The following ARHGAP18 variants were observed in gnomAD, a reference collection of about 807,000 sequenced individuals.
ARHGAP18 encodes rho GTPase-activating protein 18.
A neutral mutation model predicts 86.2 loss-of-function variants in ARHGAP18; 67 were observed. The observed-to-expected ratio is 0.78, with a 90% CI of 0.64 to 0.95. The LOEUF (loss-of-function observed/expected upper bound fraction) is 0.95. ARHGAP18 is among the 40% of genes least tolerant of loss of function. ARHGAP18 has a pLI of 0.00. For synonymous variants in ARHGAP18, 283 were observed against 280.4 expected (o/e 1.01, Z -0.09); for missense variants, 691 against 780.4 (o/e 0.89, Z 1.37).
intron 2 of ARHGAP18, among the ~76,000 whole-genome samples, chr6:129,639,275 G>A (rs988292255): frequency 1.3e-5 from 2 of 152,138 alleles, no homozygotes; most frequent in East Asian, 1.9e-4. Context: ...AACACTGAAA[G>A]CAGGAAATAT....
intron 1 of ARHGAP18, among the ~76,000 whole-genome samples, chr6:129,680,701 T>C (rs958140611): frequency 6.6e-6 from 1 of 152,222 alleles, no homozygotes; most frequent in African/African-American, 2.4e-5. Flanking sequence ...AGCCAGATCG[T>C]TTCCAGAACT....
At position 129,641,679 on chromosome 6, in the gene ARHGAP18, TA is replaced by T. The variant is rs1773466669; in HGVS notation, c.316+136del. ...CATCCATAAATCTGCCTCAAACAAG[TA>T]TTTTTCAAGTTGAAAGGCAGTATCT... On this transcript the variant is annotated intron_variant, in intron 2 of 14. Coordinates refer to ENST00000368149, the MANE Select transcript of ARHGAP18 (RefSeq NM_033515.3). The T allele has an allele frequency of 3.8e-6, 3 of 782,118 alleles. No homozygotes were observed. In the East Asian group the frequency reaches 7.9e-5, roughly 21 times the overall value. The allele number at this position is 782,118 out of a possible 1,614,324, so 48.4% of individuals were successfully genotyped here. A position where few individuals can be genotyped will look rare whatever the true frequency, so the allele number is the denominator to read the frequency against.
intron 12 of ARHGAP18, among the ~76,000 whole-genome samples, chr6:129,591,765 T>C (rs2114437795): frequency 6.6e-6 from 1 of 152,322 alleles, no homozygotes; most frequent in South Asian, 2.1e-4. Flanking sequence ...GAAAACCCTT[T>C]TTATCTTCAA....
intron 1 of ARHGAP18, among the ~76,000 whole-genome samples, chr6:129,700,787 T>C (rs1265350403): frequency 6.6e-6 from 1 of 152,134 alleles, no homozygotes. Context: ...AACAAAAAAA[T>C]TGAGGCCCTG....
chr6:129,695,463 G>A (rs1307944080), intron 1 of ARHGAP18, among the ~76,000 whole-genome samples: 1 of 152,202 alleles, frequency 6.6e-6, no homozygotes, highest in Non-Finnish European at 1.5e-5. Context: ...CCTGAGATGT[G>A]TAAATAGCTA....
At chr6:129,663,921 C>G (rs796197638) in intron 1 of ARHGAP18, among the ~76,000 whole-genome samples, 1 of 152,242 alleles carries the variant, frequency 6.6e-6, no homozygotes, top group Non-Finnish European at 1.5e-5. Context: ...TTTGTTTGGC[C>G]AGCAGGGTGT....
At chr6:129,628,549 C>G (rs1773091885) in intron 5 of ARHGAP18, among the ~76,000 whole-genome samples, 1 of 152,136 alleles carries the variant, frequency 6.6e-6, no homozygotes, top group South Asian at 2.1e-4. Flanking sequence ...TCTCCTTAGA[C>G]AAGTTGGTGA....
chr6:129,699,796 C>A (rs1246321957), intron 1 of ARHGAP18, among the ~76,000 whole-genome samples: 1 of 152,166 alleles, frequency 6.6e-6, no homozygotes, highest in Non-Finnish European at 1.5e-5. Context: ...GGAAGCAAAG[C>A]AGCCTGCTTT....
intron 2 of ARHGAP18, among the ~76,000 whole-genome samples, chr6:129,638,895 G>A (rs1773389152): frequency 6.6e-6 from 1 of 152,112 alleles, no homozygotes; most frequent in African/African-American, 2.4e-5. Flanking sequence ...TAACCCAGAG[G>A]ATGATACTGT....
intron 1 of ARHGAP18, among the ~76,000 whole-genome samples, chr6:129,642,581 C>G (rs1166298304): frequency 6.6e-6 from 1 of 152,044 alleles, no homozygotes; most frequent in Non-Finnish European, 1.5e-5. Context: ...AAGGCATGAG[C>G]CACCACACCC....
At chr6:129,614,815 C>A (rs1789060913) in intron 7 of ARHGAP18, among the ~76,000 whole-genome samples, 2 of 144,534 alleles carry the variant, frequency 1.4e-5, no homozygotes, top group African/African-American at 5.1e-5. Context: ...TTAATACTCT[C>A]TATAATGTAG....
intron 1 of ARHGAP18, among the ~76,000 whole-genome samples, chr6:129,696,941 G>C (rs1774626797): frequency 6.6e-6 from 1 of 152,164 alleles, no homozygotes; most frequent in Non-Finnish European, 1.5e-5. Context: ...CCCTCATTGA[G>C]AAGTGTATCC....
chr6:129,643,972 A>G (rs1298524692), intron 1 of ARHGAP18, among the ~76,000 whole-genome samples: 1 of 152,218 alleles, frequency 6.6e-6, no homozygotes, highest in East Asian at 1.9e-4. Flanking sequence ...TAATATGCTA[A>G]TAAGCCAGTT....
chr6:129,642,627 T>C (rs1005807510), intron 1 of ARHGAP18, among the ~76,000 whole-genome samples: 3 of 152,146 alleles, frequency 2.0e-5, no homozygotes, highest in Non-Finnish European at 4.4e-5. Flanking sequence ...AACTTTGTTT[T>C]TAAAAAGCAA....
intron 5 of ARHGAP18, among the ~76,000 whole-genome samples, chr6:129,621,033 T>C (rs781015758): frequency 1.1e-4 from 17 of 152,222 alleles, no homozygotes; most frequent in Non-Finnish European, 1.6e-4. Flanking sequence ...TTAGAAAATA[T>C]GGCTATTTTC....
chr6:129,666,684 A>T (rs1774046965), intron 1 of ARHGAP18, among the ~76,000 whole-genome samples: 1 of 152,192 alleles, frequency 6.6e-6, no homozygotes, highest in East Asian at 1.9e-4. Context: ...ATCCTATTAT[A>T]AACTGATTTA....
chr6:129,625,359 A>T (rs1789369766), intron 5 of ARHGAP18, among the ~76,000 whole-genome samples: 1 of 64,482 alleles, frequency 1.6e-5, no homozygotes, highest in Non-Finnish European at 2.4e-5. Flanking sequence ...AATATATATT[A>T]TGTATATTTA....
rs756993026 is a variant in ARHGAP18, at chr6:129,638,619, C to T, written c.327G>A (p.Leu109=). The change falls in exon 3 of 15, where the codon TTG becomes TTA. Residue 109 remains leucine (L), a synonymous_variant. Coordinates refer to ENST00000368149, the MANE Select transcript of ARHGAP18 (RefSeq NM_033515.3). ...CGGCCTCTTTAAGCCACTCTTCTTC[C>T]AATTCTCCCTCTAAGACAGTAGAGA... ...VVVKEPDEGE[L]EEEWLKEAGL... is the part of the protein sequence containing the mutation. The T allele has an allele frequency of 1.9e-6, 3 of 1,613,858 alleles. No homozygotes were observed. The highest frequency in any genetic ancestry group is 2.5e-6 in the Non-Finnish European group (3 of 1,179,910).
chr6:129,636,817 C>CA (rs1360503228), intron 3 of ARHGAP18, among the ~76,000 whole-genome samples: 20 of 152,324 alleles, frequency 1.3e-4, no homozygotes, highest in Middle Eastern at 3.4e-3. Context: ...GGGGAGGTTG[C>CA]AGTGAGCCGA....
Sources: gnomAD v4.1 joint callset for allele counts (sites outside exome capture counted in the v4.1 genomes callset) on GRCh38, gnomAD v4.1.1 for gene constraint, MANE v1.5 for transcripts, NCBI Gene and HGNC (gene_info 2026-07-23, HGNC 2026-07-21) for gene names.